The following PRICKLE2 variants were observed in gnomAD, a reference collection of about 807,000 sequenced individuals.
PRICKLE2 encodes prickle planar cell polarity protein 2, also known as prickle-like protein 2.
A neutral mutation model predicts 81.4 loss-of-function variants in PRICKLE2; 21 were observed. The observed-to-expected ratio is 0.26, with a 90% CI of 0.18 to 0.37. The LOEUF is 0.37. PRICKLE2 is among the 10% of genes least tolerant of loss of function. The pLI, the probability that PRICKLE2 is intolerant of heterozygous loss-of-function variation, is 1.00. For synonymous variants in PRICKLE2, 456 were observed against 421.5 expected, an observed-to-expected ratio of 1.08 and a Z score of -1.00; for missense variants, 940 against 1,109.0, an observed-to-expected ratio of 0.85 and a Z score of 2.16.
intron 7 of PRICKLE2, among the ~76,000 whole-genome samples, chr3:64,105,500 G>T (rs2076740376): frequency 6.6e-6 from 1 of 152,166 alleles, no homozygotes; most frequent in Non-Finnish European, 1.5e-5. Flanking sequence ...CCTGGAGTGG[G>T]TCAGTGCTGT....
chr3:64,127,809 G>T (rs971799561), intron 7 of PRICKLE2, among the ~76,000 whole-genome samples: 7 of 151,752 alleles, frequency 4.6e-5, no homozygotes, highest in Admixed American at 4.6e-4. Flanking sequence ...GGCAAACTTG[G>T]AATCCTGACT....
chr3:64,106,544 A>G (rs1465929593), intron 7 of PRICKLE2, among the ~76,000 whole-genome samples: 1 of 152,218 alleles, frequency 6.6e-6, no homozygotes, highest in East Asian at 1.9e-4. Context: ...CTTGAACGCC[A>G]GCCACTGTTG....
rs1275935424 is a variant in PRICKLE2 at position 64,093,187 on chromosome 3, A to T, written c.*5864T>A. ...CCTCAAGGTTCATCCATGTTGTAGCATGTGTCAGAATTTCCTTCCGTTTTA... is the reference window on the plus strand; with the variant it reads ...CCTCAAGGTTCATCCATGTTGTAGCTTGTGTCAGAATTTCCTTCCGTTTTA... On this transcript the variant is annotated 3_prime_UTR_variant, in exon 8 of 8. Coordinates refer to ENST00000638394, the MANE Select transcript of PRICKLE2 (RefSeq NM_198859.4). 2 of 171,156 alleles carry T rather than the reference A, an allele frequency of 1.2e-5. No individual in the cohort carries two copies. The allele number at this position is 171,156 out of a possible 1,614,324, so 10.6% of individuals were successfully genotyped here.
chr3:64,136,296 A>G lies in PRICKLE2; in HGVS notation c.1660+10534T>C, dbSNP rs372571892. Among the ~76,000 whole-genome samples, 31 of 151,946 alleles carry G rather than the reference A, an allele frequency of 2.0e-4. No individual in the cohort carries two copies. In the East Asian group the frequency reaches 5.6e-3, roughly 28 times the overall value. On this transcript the variant is annotated intron_variant, in intron 7 of 7. Coordinates refer to ENST00000638394, the MANE Select transcript of PRICKLE2 (RefSeq NM_198859.4). The stretch of plus-strand genomic sequence containing the variant: ...GAGTATGGTACCTCACCCATATGTA[A>G]GACGAAGAGTCTGGGTTTCCTTAGC...
At chr3:64,265,178 C>A (rs1235921204) in intron 2 of PRICKLE2, among the ~76,000 whole-genome samples, 1 of 151,988 alleles carries the variant, frequency 6.6e-6, no homozygotes, top group African/African-American at 2.4e-5. Flanking sequence ...AAAAAACAAA[C>A]AAACAAAAAA....
intron 7 of PRICKLE2, among the ~76,000 whole-genome samples, chr3:64,124,393 C>CATA (rs1189939046): frequency 6.6e-6 from 1 of 152,188 alleles, no homozygotes; most frequent in Non-Finnish European, 1.5e-5. Flanking sequence ...AGAAGGTCTA[C>CATA]ATAAGATCAC....
chr3:64,250,742 C>T (rs992312026), intron 2 of PRICKLE2, among the ~76,000 whole-genome samples: 6 of 152,168 alleles, frequency 3.9e-5, no homozygotes, highest in Admixed American at 1.3e-4. Flanking sequence ...GCATGGAGTC[C>T]GACATGGGCT....
chr3:64,141,346 A>C (rs1200450839), intron 7 of PRICKLE2, among the ~76,000 whole-genome samples: 9 of 152,246 alleles, frequency 5.9e-5, no homozygotes, highest in Admixed American at 5.9e-4. Flanking sequence ...CACCATCTGT[A>C]AAATGGGAAT....
chr3:64,239,121 G>C (rs1342904155), intron 2 of PRICKLE2, among the ~76,000 whole-genome samples: 1 of 152,178 alleles, frequency 6.6e-6, no homozygotes, highest in Non-Finnish European at 1.5e-5. Context: ...CCTCCTCTGA[G>C]GGGGCCAGGC....
chr3:64,100,225 T>C (rs940108197), intron 7 of PRICKLE2: 5 of 416,946 alleles, frequency 1.2e-5, no homozygotes, highest in South Asian at 3.4e-5. Flanking sequence ...CTATGTATGA[T>C]GCTTCCTCTA....
intron 6 of PRICKLE2, among the ~76,000 whole-genome samples, chr3:64,150,773 G>T (rs900670084): frequency 6.6e-6 from 1 of 152,166 alleles, no homozygotes; most frequent in Admixed American, 6.5e-5. Context: ...AGCAGCAAGG[G>T]CCTAGTTCCT....
In PRICKLE2 at chr3:64,147,940, T is replaced by C. The variant is rs528513458; in HGVS notation, c.788-238A>G. 6.6e-6 allele frequency among the ~76,000 whole-genome samples: 1 copy of C among 152,328 alleles called. No homozygotes were observed. Among genetic ancestry groups the C allele is most frequent in the East Asian group, 1.9e-4 (1 of 5,184 alleles). On this transcript the variant is annotated intron_variant, in intron 6 of 7. Transcript: ENST00000638394. The surrounding 1 kb of genome is among the most constrained non-coding windows in gnomAD (Gnocchi z 5.0). ...CAAGCACAAAGACTCTAGGTTAAAATGGCTTGTCTATGAATCCTTCTGCCT... is the reference window on the plus strand; with the variant it reads ...CAAGCACAAAGACTCTAGGTTAAAACGGCTTGTCTATGAATCCTTCTGCCT...
intron 2 of PRICKLE2, among the ~76,000 whole-genome samples, chr3:64,267,186 C>T (rs1036454628): frequency 6.6e-6 from 1 of 152,076 alleles, no homozygotes; most frequent in East Asian, 1.9e-4. Flanking sequence ...TGAGAGGGTG[C>T]ATTTGGCAAC....
At chr3:64,143,148 G>A (rs1448768521) in intron 7 of PRICKLE2, among the ~76,000 whole-genome samples, 1 of 152,130 alleles carries the variant, frequency 6.6e-6, no homozygotes, top group Non-Finnish European at 1.5e-5. Context: ...GGAGGCTATT[G>A]AAATTTAAAA....
At chr3:64,104,503 T>C (rs75672222) in intron 7 of PRICKLE2, 2 of 152,334 alleles carry the variant, frequency 1.3e-5, no homozygotes, top group African/African-American at 2.4e-5. Flanking sequence ...AAGTGAAATG[T>C]TTTTGAGAGC....
At chr3:64,204,647 C>A (rs2078649540) in intron 1 of PRICKLE2, among the ~76,000 whole-genome samples, 1 of 151,786 alleles carries the variant, frequency 6.6e-6, no homozygotes, top group Admixed American at 6.6e-5. Flanking sequence ...AAAAAAAAAC[C>A]AAAACCCTAA....
Position 64,234,646 on chromosome 3 carries a change from G to T in PRICKLE2, c.129-35679C>A, listed in dbSNP as rs549328569. On this transcript the variant is annotated intron_variant, in intron 2 of 8. Coordinates refer to the PRICKLE2 transcript ENST00000295902. ...CTTGATAGTGTCTTTGAAGCATAAA[G>T]ATTTCTAATTTTGATAAAGTTCGTT... Among the ~76,000 whole-genome samples the T allele has an allele frequency of 9.9e-5, 15 of 152,236 alleles. 1 individual carries two copies. The East Asian group carries it at 1.2e-3, about 12-fold the overall frequency.
At chr3:64,150,390 G>A (rs2077526179) in intron 6 of PRICKLE2, among the ~76,000 whole-genome samples, 1 of 152,086 alleles carries the variant, frequency 6.6e-6, no homozygotes, top group South Asian at 2.1e-4. Flanking sequence ...TAACATGCAT[G>A]GAGTGCTGAG....
intron 7 of PRICKLE2, among the ~76,000 whole-genome samples, chr3:64,127,794 G>A (rs1404053866): frequency 6.6e-6 from 1 of 151,794 alleles, no homozygotes; most frequent in Non-Finnish European, 1.5e-5. Flanking sequence ...AAGATAACCT[G>A]TAAAGGCAAA....
Sources: gnomAD v4.1 joint callset for allele counts (sites outside exome capture counted in the v4.1 genomes callset) on GRCh38, gnomAD v4.1.1 for gene constraint, Gnocchi (gnomAD v3.1) non-coding constraint, MANE v1.5 for transcripts, NCBI Gene and HGNC (gene_info 2026-07-23, HGNC 2026-07-21) for gene names.